ACLY: variants seen among roughly 807,000 people sequenced by gnomAD.
The protein encoded by ACLY is ATP-citrate synthase.
In ACLY, 41 loss-of-function variants were observed where a neutral mutation model predicts 133.0. That is an observed-to-expected ratio of 0.31 (90% CI 0.24 to 0.40). The LOEUF (loss-of-function observed/expected upper bound fraction) is 0.40, where lower values mean the gene tolerates loss of function less well. Among genes scored for constraint, ACLY ranks in the 10% least tolerant of loss-of-function variants. The pLI is 1.00. For synonymous variants in ACLY, 495 were observed against 549.3 expected (o/e 0.90, Z 1.38); for missense variants, 1,046 against 1,453.8 (o/e 0.72, Z 4.56).
In ACLY at chr17:41,913,736, G is replaced by A. The variant is rs1285393039; in HGVS notation, c.138C>T (p.Asp46=). Residue 46 remains aspartate, a synonymous_variant, in exon 2 of 29, where the codon GAC becomes GAT. Coordinates refer to ENST00000352035, the MANE Select transcript of ACLY (RefSeq NM_001096.3). Reference sequence around the variant, plus strand: ...TCACCTGGCTGAGCAGCCAGGGGTGGTCCTGCAGCAAGCGGGCCCAGTCTG... The same window carrying A: ...TCACCTGGCTGAGCAGCCAGGGGTGATCCTGCAGCAAGCGGGCCCAGTCTG... ...PDTDWARLLQ[D]HPWLLSQNLV... 6.2e-7 allele frequency: 1 copy of A among 1,614,044 alleles called. No homozygotes were observed. Among genetic ancestry groups the A allele is most frequent in the Non-Finnish European group, 8.5e-7 (1 of 1,180,032 alleles).
intron 16 of ACLY, among the ~76,000 whole-genome samples, chr17:41,888,232 T>C (rs138317977): frequency 4.7e-4 from 71 of 152,312 alleles, no homozygotes; most frequent in African/African-American, 1.6e-3. Context: ...AAAACACAAG[T>C]GGTGGATAGC....
intron 1 of ACLY, among the ~76,000 whole-genome samples, chr17:41,917,152 AAAAAG>A (rs1392015374): frequency 5.3e-5 from 8 of 151,720 alleles, no homozygotes; most frequent in Admixed American, 3.3e-4. Flanking sequence ...AAAAAAAAAA[AAAAAG>A]AATATTTGCT....
At position 41,909,076 on chromosome 17, in the gene ACLY, TGGGA is replaced by T. The variant is rs1479489977; in HGVS notation, c.537-12_537-9del. 2 of 1,608,038 alleles carry T rather than the reference TGGGA, an allele frequency of 1.2e-6. No homozygotes were observed. Among genetic ancestry groups the T allele is most frequent in the African/African-American group, 1.3e-5 (1 of 74,722 alleles). Reference sequence around the variant, plus strand: ...ATAAAACTGGCCAGAATTCTAGAGGTGGGAGGGAGAGAGGGACAGTTCATCCATC... The same window carrying T: ...ATAAAACTGGCCAGAATTCTAGAGGTGGGAGAGAGGGACAGTTCATCCATC... On this transcript the variant is annotated splice_polypyrimidine_tract_variant and intron_variant, in intron 5 of 28. Coordinates refer to ENST00000352035, the MANE Select transcript of ACLY (RefSeq NM_001096.3).
chr17:41,881,859 C>T (rs1279976070), intron 20 of ACLY, among the ~76,000 whole-genome samples: 1 of 152,168 alleles, frequency 6.6e-6, no homozygotes, highest in Non-Finnish European at 1.5e-5. Context: ...CTTTTACTTA[C>T]ATGGAAAAAT....
chr17:41,877,836 A>G (rs782307461), intron 22 of ACLY, among the ~76,000 whole-genome samples: 1 of 152,096 alleles, frequency 6.6e-6, no homozygotes, highest in African/African-American at 2.4e-5. Context: ...TCGGACTCCA[A>G]GTTCTTCAGT....
At chr17:41,926,741 G>A (rs541740583) in intron 1 of ACLY, among the ~76,000 whole-genome samples, 91 of 151,892 alleles carry the variant, frequency 6.0e-4, no homozygotes, top group African/African-American at 2.1e-3. Context: ...CGCCCGCCTC[G>A]GCCTCCCAAA....
intron 17 of ACLY, among the ~76,000 whole-genome samples, 161 bp downstream of exon 17, chr17:41,887,438 A>C (rs1416761680): frequency 2.6e-5 from 4 of 151,568 alleles, no homozygotes; most frequent in Admixed American, 2.6e-4. Context: ...GCTGTGTCTC[A>C]AAAAAAAAGC....
At chr17:41,887,258 G>C (rs2049078330) in intron 17 of ACLY, among the ~76,000 whole-genome samples, 1 of 151,666 alleles carries the variant, frequency 6.6e-6, no homozygotes. Context: ...GACCAACATG[G>C]TGAAATCCCG....
intron 3 of ACLY, 121 bp downstream of exon 3, chr17:41,912,299 C>A (rs1456821691): frequency 7.2e-7 from 1 of 1,392,576 alleles, no homozygotes; most frequent in Non-Finnish European, 9.8e-7. Flanking sequence ...CACAGGACTC[C>A]TGCCTTCCCT....
At chr17:41,927,596 T>G (rs2050258862) in intron 1 of ACLY, among the ~76,000 whole-genome samples, 1 of 152,146 alleles carries the variant, frequency 6.6e-6, no homozygotes, top group Middle Eastern at 3.4e-3. Context: ...GAGGCTAAGG[T>G]GGGTGGATTA....
intron 28 of ACLY, among the ~76,000 whole-genome samples, chr17:41,868,254 T>C (rs922761301): frequency 5.3e-5 from 8 of 151,842 alleles, no homozygotes; most frequent in Non-Finnish European, 7.4e-5. Context: ...CTGGCTAACA[T>C]GGTGAAACCC....
In ACLY at chr17:41,867,884, T is replaced by A. The variant is rs1555624207; in HGVS notation, c.3232A>T (p.Arg1078Trp). 1 of 1,610,940 alleles carries A rather than the reference T, an allele frequency of 6.2e-7. No individual in the cohort carries two copies. Among genetic ancestry groups the A allele is most frequent in the Non-Finnish European group, 8.5e-7 (1 of 1,178,484 alleles). The change falls in exon 29 of 29, where the codon AGG (arginine) becomes TGG (tryptophan). Residue 1078 changes from arginine (R) to tryptophan (W), a missense_variant. Arg to Trp is a moderately radical substitution (Grantham distance 101). Transcript: ENST00000352035. Reference sequence around the variant, plus strand: ...TGACGATACAGCCCCTGCTTCAGCCTCTTCTGATCAAGATAGTGTCCTAAA... The same window carrying A: ...TGACGATACAGCCCCTGCTTCAGCCACTTCTGATCAAGATAGTGTCCTAAA... The part of the protein sequence containing the change: ...GFIGHYLDQK[R>W]LKQGLYRHPW...
intron 17 of ACLY, among the ~76,000 whole-genome samples, chr17:41,886,562 C>A (rs559783731): frequency 3.9e-5 from 6 of 152,244 alleles, no homozygotes; most frequent in Admixed American, 6.5e-5. Flanking sequence ...GTATACTTGG[C>A]CCGGCACAGT....
At chr17:41,893,614 C>T (rs553455130) in intron 14 of ACLY, among the ~76,000 whole-genome samples, 9 of 152,332 alleles carry the variant, frequency 5.9e-5, no homozygotes, top group African/African-American at 2.2e-4. Context: ...TATGTTCCAA[C>T]AATGCTTATT....
intron 3 of ACLY, among the ~76,000 whole-genome samples, chr17:41,911,299 C>T (rs1306515484): frequency 3.9e-5 from 6 of 152,202 alleles, no homozygotes; most frequent in African/African-American, 1.4e-4. Flanking sequence ...CAGATGAGCA[C>T]CAGGCCCTTC....
chr17:41,878,791 A>C lies in ACLY; in HGVS notation c.2393+6T>G. On this transcript the variant is annotated splice_donor_region_variant and intron_variant, in intron 21 of 28. Transcript: ENST00000352035. The stretch of plus-strand genomic sequence containing the variant: ...GAGGCCGGCATCCTCCCCAAGGTCC[A>C]CTTACTGGATGATCTCTCCAAGCTC... The C allele has an allele frequency of 1.2e-6, 2 of 1,613,706 alleles. No homozygotes were observed. Among genetic ancestry groups the C allele is most frequent in the African/African-American group, 2.7e-5 (2 of 74,978 alleles).
intron 19 of ACLY, among the ~76,000 whole-genome samples, chr17:41,883,929 C>G (rs2048985742): frequency 6.6e-6 from 1 of 151,958 alleles, no homozygotes; most frequent in South Asian, 2.1e-4. Flanking sequence ...CACTGCCCAC[C>G]AGGTAGAGAC....
intron 11 of ACLY, among the ~76,000 whole-genome samples, chr17:41,899,823 C>T (rs578205894): frequency 2.0e-4 from 30 of 152,034 alleles, no homozygotes; most frequent in Admixed American, 1.4e-3. Context: ...GCAGGTGGAT[C>T]GCTTGAGTCC....
At chr17:41,911,649 T>C (rs2049903859) in intron 3 of ACLY, among the ~76,000 whole-genome samples, 2 of 151,046 alleles carry the variant, frequency 1.3e-5, no homozygotes, top group South Asian at 2.1e-4. Flanking sequence ...ACCCTAACTC[T>C]ATAAAAAAAT....
Sources: allele counts gnomAD v4.1 joint callset (sites outside exome capture counted in the v4.1 genomes callset), GRCh38; gene constraint gnomAD v4.1.1; transcripts MANE v1.5; gene names NCBI Gene and HGNC (gene_info 2026-07-23, HGNC 2026-07-21).